Variants in LRGUK observed in about 807,000 individuals in gnomAD.
LRGUK encodes the protein leucine rich repeats and guanylate kinase domain containing.
LRGUK carries 65 observed loss-of-function variants against 76.0 expected under a neutral mutation model. The observed-to-expected ratio is 0.85, with a 90% confidence interval of 0.70 to 1.05. LRGUK has a LOEUF of 1.05. Ranked by LOEUF, LRGUK falls within the 50% of genes least tolerant of loss-of-function variation. The probability of loss-of-function intolerance (pLI) is 0.00; values close to 1 mark genes in which losing one functional copy is unlikely to be tolerated. For synonymous variants in LRGUK, 268 were observed against 265.6 expected (o/e 1.01, Z -0.09); for missense variants, 758 against 732.8 (o/e 1.03, Z -0.40).
At chr7:134,175,612 C>CT (rs2116986776) in intron 8 of LRGUK, among the ~76,000 whole-genome samples, 1 of 152,280 alleles carries the variant, frequency 6.6e-6, no homozygotes, top group African/African-American at 2.4e-5. Flanking sequence ...ACATTTACAC[C>CT]TAAGCTTTGT....
intron 7 of LRGUK, among the ~76,000 whole-genome samples, chr7:134,167,370 C>T (rs1444118280): frequency 2.6e-5 from 4 of 152,146 alleles, no homozygotes; most frequent in Non-Finnish European, 5.9e-5. Flanking sequence ...CCCCTTTGCC[C>T]CTGACCCCTT....
rs952064677 is a variant in LRGUK, at chr7:134,209,429, C to T, written c.2566C>T (p.Arg856Ter). 2 of 398,998 alleles carry T rather than the reference C, an allele frequency of 5.0e-6. No homozygotes were observed. Among genetic ancestry groups the T allele is most frequent in the African/African-American group, 4.1e-5 (2 of 48,616 alleles). 24.7% of individuals were successfully genotyped at this position (398,998 alleles called of 1,614,324 possible). Reference sequence around the variant, plus strand: ...GGAAACCTCCAAACCGGAAGCCATCCGAGTCAGTATCCCTCACCCAGAACT... The same window carrying T: ...GGAAACCTCCAAACCGGAAGCCATCTGAGTCAGTATCCCTCACCCAGAACT... The change falls in exon 16 of 16, where the codon CGA becomes TGA. Residue 856 changes from arginine to a stop codon, truncating the protein, a stop_gained. Coordinates refer to ENST00000645682, the Ensembl canonical transcript of LRGUK. LOFTEE classifies it low-confidence loss of function (END_TRUNC).
intron 5 of LRGUK, among the ~76,000 whole-genome samples, chr7:134,154,011 T>C (rs1026121120): frequency 6.6e-6 from 1 of 152,210 alleles, no homozygotes; most frequent in Non-Finnish European, 1.5e-5. Flanking sequence ...ATCGTCAAAA[T>C]GTAAAAATAT....
chr7:134,138,668 CTCT>C (rs1011598974), intron 2 of LRGUK, among the ~76,000 whole-genome samples: 2 of 152,136 alleles, frequency 1.3e-5, no homozygotes, highest in African/African-American at 4.8e-5. Context: ...CTTATAATGA[CTCT>C]TCATTGGTTT....
At chr7:134,201,015 T>C (rs1210372666) in intron 14 of LRGUK, among the ~76,000 whole-genome samples, 1 of 152,080 alleles carries the variant, frequency 6.6e-6, no homozygotes, top group Non-Finnish European at 1.5e-5. Flanking sequence ...TTTCTGGAGG[T>C]TGCTCTCAGG....
Position 134,205,792 on chromosome 7 carries a change from A to G in LRGUK, c.1844-2915A>G, listed in dbSNP as rs554766632. 7.9e-5 allele frequency among the ~76,000 whole-genome samples: 12 copies of G among 152,346 alleles called. 1 individual carries two copies. The South Asian group carries it at 1.0e-3, about 13-fold the overall frequency. Reference sequence around the variant, plus strand: ...AAACCTATACATAATGTCATGGTGCACTATTAGAATCCGGCTGTCTAGAGC... The same window carrying G: ...AAACCTATACATAATGTCATGGTGCGCTATTAGAATCCGGCTGTCTAGAGC... On this transcript the variant is annotated intron_variant, in intron 15 of 15. Transcript: ENST00000645682.
chr7:134,221,916 G>A lies in LRGUK; in HGVS notation c.1981G>A (p.Ala661Thr), dbSNP rs763991708. ...CAAACTTTCAGCCAAAAAAACACCA[G>A]CGGTAAGAGAGGAATAGAAGGGGTG... The change falls in exon 16 of 20, where the codon GCG becomes ACG. Residue 661 changes from alanine (A) to threonine (T), a missense_variant and splice_region_variant. Physicochemically the swap from Ala to Thr is moderately conservative, Grantham distance 58. Coordinates refer to the LRGUK transcript ENST00000285928. 9 of 1,591,310 alleles carry A rather than the reference G, an allele frequency of 5.7e-6. No homozygotes were observed. In the South Asian group the frequency reaches 5.8e-5, roughly 10 times the overall value.
intron 15 of LRGUK, chr7:134,208,589 A>G (rs1165606413): frequency 3.8e-5 from 15 of 396,078 alleles, no homozygotes; most frequent in Non-Finnish European, 6.7e-5. Flanking sequence ...CTATATGTGT[A>G]ATTTTATTCC....
At chr7:134,129,827 T>C (rs536988594) in intron 1 of LRGUK, among the ~76,000 whole-genome samples, 2 of 152,236 alleles carry the variant, frequency 1.3e-5, no homozygotes, top group East Asian at 3.9e-4. Context: ...TTCCCCTCTT[T>C]ACATCTTTGC....
downstream of LRGUK, among the ~76,000 whole-genome samples, chr7:134,214,475 TC>T (rs1801380495): frequency 6.6e-6 from 1 of 152,182 alleles, no homozygotes; most frequent in Non-Finnish European, 1.5e-5. Context: ...TATGATAAAA[TC>T]TAGAAATAAT....
At chr7:134,133,663 T>C (rs78696036) in intron 1 of LRGUK, among the ~76,000 whole-genome samples, 20,512 of 152,108 alleles carry the variant, frequency 0.13, 1,680 homozygotes, top group East Asian at 0.32. Context: ...CAGTCCTGCC[T>C]CAATGCAGCA....
chr7:134,216,223 G>T (rs946015913), intron 15 of LRGUK, among the ~76,000 whole-genome samples: 1 of 151,982 alleles, frequency 6.6e-6, no homozygotes, highest in Non-Finnish European at 1.5e-5. Context: ...GTGTTTGTTC[G>T]TATTAACATG....
At chr7:134,207,435 T>A (rs1184117776) in intron 15 of LRGUK, among the ~76,000 whole-genome samples, 2 of 152,220 alleles carry the variant, frequency 1.3e-5, no homozygotes, top group Non-Finnish European at 2.9e-5. Context: ...AAGCTAGTAT[T>A]TCAGTTTATA....
chr7:134,150,490 A>AG (rs981307199), intron 5 of LRGUK, among the ~76,000 whole-genome samples: 3 of 151,336 alleles, frequency 2.0e-5, no homozygotes, highest in African/African-American at 7.3e-5. Context: ...AAAAAAAAAA[A>AG]AAAAAGAAAA....
At chr7:134,212,304 G>A (rs1801304584), downstream of LRGUK, among the ~76,000 whole-genome samples, 1 of 152,244 alleles carries the variant, frequency 6.6e-6, no homozygotes, top group Admixed American at 6.5e-5. Context: ...AATTGTGACT[G>A]AAACGGACAA....
chr7:134,244,956 G>A (rs2544171), intron 16 of LRGUK, among the ~76,000 whole-genome samples: 10,850 of 135,746 alleles, frequency 0.08, 944 homozygotes, highest in African/African-American at 0.22. Context: ...GCAAGGACAG[G>A]AAATCAAACA....
chr7:134,169,726 T>A (rs1799165509), intron 7 of LRGUK, among the ~76,000 whole-genome samples: 1 of 152,194 alleles, frequency 6.6e-6, no homozygotes, highest in Non-Finnish European at 1.5e-5. Flanking sequence ...TTCAGAATTC[T>A]GATTAATACT....
At chr7:134,201,615 TTTC>T in intron 15 of LRGUK, 39 bp downstream of exon 15, 1 of 1,517,972 alleles carries the variant, frequency 6.6e-7, no homozygotes, top group Non-Finnish European at 9.1e-7. Flanking sequence ...TTTTTTTTTT[TTTC>T]ATGGAAAGGA....
At chr7:134,275,967 C>T in the LRGUK span, among the ~76,000 whole-genome samples, 14 of 152,120 alleles carry the variant, frequency 9.2e-5, no homozygotes, top group Non-Finnish European at 1.5e-4. Context: ...AATGAAGCTT[C>T]CTGGTAGCCA....
Sources: gnomAD v4.1 joint callset for allele counts (sites outside exome capture counted in the v4.1 genomes callset) on GRCh38, gnomAD v4.1.1 for gene constraint, MANE v1.5 for transcripts, NCBI Gene and HGNC (gene_info 2026-07-23, HGNC 2026-07-21) for gene names.